ANKAR: variants seen among roughly 807,000 people sequenced by gnomAD.
The protein encoded by ANKAR is ankyrin and armadillo repeat containing.
ANKAR carries 136 observed loss-of-function variants against 146.2 expected under a neutral mutation model. That is an observed-to-expected ratio of 0.93 (90% CI 0.81 to 1.07). The LOEUF (loss-of-function observed/expected upper bound fraction) is 1.07, where lower values mean the gene tolerates loss of function less well. ANKAR is among the 50% of genes least tolerant of loss of function. ANKAR has a pLI of 0.00. For synonymous variants in ANKAR, 500 were observed against 575.8 expected, an observed-to-expected ratio of 0.87 and a Z score of 1.88; for missense variants, 1,567 against 1,679.9, an observed-to-expected ratio of 0.93 and a Z score of 1.18.
At chr2:189,730,329 A>C (rs1007452238) in intron 15 of ANKAR, among the ~76,000 whole-genome samples, 166 bp from the exon 16 acceptor site, 1 of 152,234 alleles carries the variant, frequency 6.6e-6, no homozygotes, top group African/African-American at 2.4e-5. Context: ...TCTTTTAAAA[A>C]ATTAATTCAG....
chr2:189,757,054 CAAAG>C (rs1293448914), intron 18 of ANKAR, among the ~76,000 whole-genome samples: 1 of 152,072 alleles, frequency 6.6e-6, no homozygotes, highest in African/African-American at 2.4e-5. Flanking sequence ...GCTTTATTCT[CAAAG>C]AATTAATAAT....
At chr2:189,729,695 C>CGCGTGTGTGTGT (rs2042218365) in intron 15 of ANKAR, among the ~76,000 whole-genome samples, 1 of 94,206 alleles carries the variant, frequency 1.1e-5, no homozygotes, top group Non-Finnish European at 2.5e-5. Flanking sequence ...ATCAGCTGTG[C>CGCGTGTGTGTGT]GTGTGTGTGT....
rs528079599 is a variant in ANKAR at position 189,735,509 on chromosome 2, T to C, written c.3424-2174T>C. 6.6e-5 allele frequency among the ~76,000 whole-genome samples: 10 copies of C among 152,128 alleles called. No individual in the cohort carries two copies. In the South Asian group the frequency reaches 2.1e-3, roughly 32 times the overall value. ...CAACTATCCTTCATTAAACCTATAG[T>C]GGGAGACTTCAGATTACACAGGTGT... is the stretch of plus-strand genomic sequence containing the variant. On this transcript the variant is annotated intron_variant, in intron 17 of 22. Coordinates refer to ENST00000684021, the MANE Select transcript of ANKAR (RefSeq NM_001378068.1).
chr2:189,696,360 T>A lies in ANKAR; in HGVS notation c.1699T>A (p.Phe567Ile), dbSNP rs754285840. 6.2e-7 allele frequency: 1 copy of A among 1,613,048 alleles called. No homozygotes were observed. Among genetic ancestry groups the A allele is most frequent in the East Asian group, 2.2e-5 (1 of 44,860 alleles). Residue 567 changes from phenylalanine (F) to isoleucine (I), a missense_variant, in exon 7 of 23, where the codon TTC becomes ATC. By Grantham distance (21) the Phe-to-Ile change is conservative. Transcript: ENST00000684021. ...GGTCAACCAGAGGCGCTTTGTTACG[T>A]TCAGCCAAGGTACCATAAAGTTTTT... ...FKVNQRRFVTFSQGPTPLHLA... is the reference protein window; with the variant it reads ...FKVNQRRFVTISQGPTPLHLA...
rs751783253 is a variant in ANKAR, at chr2:189,696,197, A to G, written c.1536A>G (p.Ala512=). 1.7e-5 allele frequency: 28 copies of G among 1,613,946 alleles called. No individual in the cohort carries two copies. In the South Asian group the frequency reaches 2.9e-4, roughly 16 times the overall value. The part of the protein sequence containing the change: ...MKSAVERGLS[A]VFHTFSRKTS... ...CCGCTGTTGAAAGAGGGTTGTCTGC[A>G]GTTTTCCACACATTTAGCCGTAAAA... The change falls in exon 7 of 23, where the codon GCA becomes GCG. Residue 512 remains alanine, a synonymous_variant. Transcript: ENST00000684021.
At chr2:189,755,414 C>T in intron 18 of ANKAR, 1 of 1,610,788 alleles carries the variant, frequency 6.2e-7, no homozygotes, top group Non-Finnish European at 8.5e-7. Context: ...CACTCCCAGG[C>T]TTAAAGCAAG....
chr2:189,744,140 G>A (rs2043731502), intron 21 of ANKAR, among the ~76,000 whole-genome samples: 1 of 152,160 alleles, frequency 6.6e-6, no homozygotes, highest in Admixed American at 6.5e-5. Context: ...GATAACGGAA[G>A]AGAATAGGAT....
In ANKAR at chr2:189,695,845, T is replaced by C. The variant is rs535330529; in HGVS notation, c.1489-305T>C. Among the ~76,000 whole-genome samples the C allele has an allele frequency of 2.0e-5, 3 of 152,346 alleles. No homozygotes were observed. In the East Asian group the frequency reaches 5.8e-4, roughly 29 times the overall value. On this transcript the variant is annotated intron_variant, in intron 6 of 22. Coordinates refer to ENST00000684021, the MANE Select transcript of ANKAR (RefSeq NM_001378068.1). ...TATATATTTCAAATTTCTAGACTTC[T>C]GAATTAGGTTTTTCTTAAATCAGAG...
intron 18 of ANKAR, chr2:189,755,004 T>C: frequency 2.8e-6 from 2 of 724,730 alleles, no homozygotes; most frequent in Non-Finnish European, 4.3e-6. Context: ...CTAAGAATTA[T>C]AAAATTGTGT....
At chr2:189,758,339 C>T (rs566146836) in intron 18 of ANKAR, among the ~76,000 whole-genome samples, 29 of 152,092 alleles carry the variant, frequency 1.9e-4, no homozygotes, top group African/African-American at 6.8e-4. Flanking sequence ...CAAGATTGCA[C>T]CATTGCACTC....
chr2:189,684,965 A>G (rs1428950120), intron 2 of ANKAR, among the ~76,000 whole-genome samples: 1 of 151,540 alleles, frequency 6.6e-6, no homozygotes, highest in Non-Finnish European at 1.5e-5. Context: ...ATGACTGTAC[A>G]TATTCCTTCC....
intron 20 of ANKAR, among the ~76,000 whole-genome samples, chr2:189,741,765 GACT>G (rs1251405020): frequency 6.6e-6 from 1 of 151,792 alleles, no homozygotes; most frequent in African/African-American, 2.4e-5. Context: ...AGTATAAAAC[GACT>G]ACAATTAAAG....
intron 18 of ANKAR, among the ~76,000 whole-genome samples, chr2:189,752,068 TG>T (rs779786409): frequency 6.6e-5 from 10 of 151,086 alleles, no homozygotes; most frequent in Non-Finnish European, 1.5e-4. Context: ...CACTTGAATA[TG>T]GGAAGCAGAG....
intron 18 of ANKAR, chr2:189,755,504 C>A (rs377465918): frequency 2.5e-6 from 4 of 1,601,786 alleles, no homozygotes; most frequent in South Asian, 1.1e-5. Context: ...TTGTACTATT[C>A]GTTGAATATT....
At position 189,733,234 on chromosome 2, in the gene ANKAR, T is replaced by C; in HGVS notation, c.3423+5T>C. The C allele has an allele frequency of 3.8e-6, 6 of 1,581,140 alleles. No individual in the cohort carries two copies. Among genetic ancestry groups the C allele is most frequent in the Non-Finnish European group, 5.1e-6 (6 of 1,167,598 alleles). On this transcript the variant is annotated splice_donor_5th_base_variant and intron_variant, in intron 17 of 22. Coordinates refer to ENST00000684021, the MANE Select transcript of ANKAR (RefSeq NM_001378068.1). The stretch of plus-strand genomic sequence containing the variant: ...CTTCTTCACTCAACAGAAAAGGTAA[T>C]ACCTTTACAAAATATTGAGGTTCAT...
At chr2:189,691,412 A>G (rs1445213521) in intron 3 of ANKAR, among the ~76,000 whole-genome samples, 1 of 152,158 alleles carries the variant, frequency 6.6e-6, no homozygotes, top group African/African-American at 2.4e-5. Flanking sequence ...TTCCAGAAAT[A>G]TGGGATGGTT....
Position 189,719,702 on chromosome 2 carries a change from T to C in ANKAR, c.2355T>C (p.Ile785=). The C allele has an allele frequency of 6.2e-7, 1 of 1,614,156 alleles. No homozygotes were observed. The highest frequency in any genetic ancestry group is 1.1e-5 in the South Asian group (1 of 91,078). The part of the protein sequence containing the change: ...AVHALVEAGG[I]PSLINLLVCD... ...ATGCTTTGGTAGAAGCGGGAGGCAT[T>C]CCATCTCTAATCAACCTACTGGTTT... Residue 785 remains isoleucine, a synonymous_variant, in exon 11 of 23, where the codon ATT becomes ATC. Coordinates refer to ENST00000684021, the MANE Select transcript of ANKAR (RefSeq NM_001378068.1).
chr2:189,752,004 C>A (rs2045338165), intron 18 of ANKAR, among the ~76,000 whole-genome samples: 1 of 151,476 alleles, frequency 6.6e-6, no homozygotes. Context: ...ATGAGCTGGG[C>A]ACAGCTGTGT....
intron 8 of ANKAR, among the ~76,000 whole-genome samples, chr2:189,705,455 G>A (rs1056141651): frequency 6.6e-6 from 1 of 152,160 alleles, no homozygotes; most frequent in Non-Finnish European, 1.5e-5. Context: ...ATTTATAAAG[G>A]CGAGAGCTTC....
Sources: gnomAD v4.1 joint callset for allele counts (sites outside exome capture counted in the v4.1 genomes callset) on GRCh38, gnomAD v4.1.1 for gene constraint, MANE v1.5 for transcripts, NCBI Gene and HGNC (gene_info 2026-07-23, HGNC 2026-07-21) for gene names.